Variants in VPS13A observed in about 807,000 individuals in gnomAD.
VPS13A encodes vacuolar protein sorting 13 homolog A.
VPS13A carries 264 observed loss-of-function variants against 390.9 expected under a neutral mutation model. That is an observed-to-expected ratio of 0.68 (90% CI 0.61 to 0.75). The LOEUF (loss-of-function observed/expected upper bound fraction) is 0.75. Among genes scored for constraint, VPS13A ranks in the 30% least tolerant of loss-of-function variants. The pLI is 0.00. For synonymous variants in VPS13A, 1,231 were observed against 1,227.1 expected, an observed-to-expected ratio of 1.00 and a Z score of -0.07; for missense variants, 3,409 against 3,733.9, an observed-to-expected ratio of 0.91 and a Z score of 2.27.
At chr9:77,249,114 G>A (rs1165293166) in intron 20 of VPS13A, among the ~76,000 whole-genome samples, 4 of 152,166 alleles carry the variant, frequency 2.6e-5, no homozygotes, top group Admixed American at 1.3e-4. Flanking sequence ...ATTAAATGTA[G>A]AGGAATATCT....
chr9:77,275,041 C>T (rs1040424674), intron 24 of VPS13A, among the ~76,000 whole-genome samples: 9 of 151,998 alleles, frequency 5.9e-5, no homozygotes, highest in African/African-American at 2.2e-4. Flanking sequence ...AGTGCTTGAT[C>T]TCAGTTTACT....
chr9:77,254,945 T>G (rs1825355308), intron 22 of VPS13A, among the ~76,000 whole-genome samples: 1 of 151,864 alleles, frequency 6.6e-6, no homozygotes, highest in South Asian at 2.1e-4. Flanking sequence ...GTGTATGGAG[T>G]TAATTTTTTT....
rs1444555829 is a variant in VPS13A, at chr9:77,411,982, T to G, written c.9475-3974T>G. ...TATAAACACCTCTATGCAAATAAAC[T>G]AGAAAATCTAGAAGAAATGGATAAA... On this transcript the variant is annotated intron_variant, in intron 71 of 71. Transcript: ENST00000360280. 2.0e-5 allele frequency among the ~76,000 whole-genome samples: 3 copies of G among 152,004 alleles called. No individual in the cohort carries two copies. In the East Asian group the frequency reaches 5.8e-4, roughly 29 times the overall value.
chr9:77,400,436 C>T (rs1053815788), intron 68 of VPS13A, among the ~76,000 whole-genome samples: 3 of 151,758 alleles, frequency 2.0e-5, no homozygotes, highest in African/African-American at 7.3e-5. Context: ...ATTTGCTTAT[C>T]GTTTTGCCAT....
chr9:77,385,241 A>G (rs918398281), intron 68 of VPS13A: 23 of 824,466 alleles, frequency 2.8e-5, no homozygotes, highest in East Asian at 1.2e-4. Flanking sequence ...TTGAACTGCT[A>G]TTATAAAAAA....
intron 24 of VPS13A, 44 bp downstream of exon 24, chr9:77,273,408 A>G: frequency 6.7e-7 from 1 of 1,481,714 alleles, no homozygotes; most frequent in Non-Finnish European, 9.2e-7. Flanking sequence ...TTTTATTAAA[A>G]TAATTTCTGT....
In VPS13A at chr9:77,276,093, G is replaced by A; in HGVS notation, c.2696G>A (p.Gly899Glu). 1 of 1,612,834 alleles carries A rather than the reference G, an allele frequency of 6.2e-7. No individual in the cohort carries two copies. Among genetic ancestry groups the A allele is most frequent in the Non-Finnish European group, 8.5e-7 (1 of 1,179,740 alleles). ...KVLIEFYHLV[G>E]DCELSVVEIL... ...TTGATCGAGTTTTATCACCTTGTTG[G>A]AGATTGTGAACTATCTGTGGTAGAA... Residue 899 changes from glycine to glutamate, a missense_variant, in exon 26 of 72, where the codon GGA becomes GAA. By Grantham distance (98) the Gly-to-Glu change is moderately conservative (BLOSUM62 -2). Coordinates refer to ENST00000360280, the MANE Select transcript of VPS13A (RefSeq NM_033305.3).
chr9:77,316,487 T>A, intron 39 of VPS13A, 81 bp downstream of exon 39: 1 of 1,186,110 alleles, frequency 8.4e-7, no homozygotes. Context: ...AAAAACTACC[T>A]ACATGCTTTC....
In VPS13A at chr9:77,406,100, G is replaced by C. The variant is rs561226132; in HGVS notation, c.9399+113G>C. 2.3e-5 allele frequency: 34 copies of C among 1,451,182 alleles called. No homozygotes were observed. In the Admixed American group the frequency reaches 3.0e-4, roughly 13 times the overall value. 89.9% of individuals were successfully genotyped at this position (1,451,182 alleles called of 1,614,324 possible). A position where few individuals can be genotyped will look rare whatever the true frequency, so the allele number is the denominator to read the frequency against. On this transcript the variant is annotated intron_variant, in intron 70 of 71. Transcript: ENST00000360280. ...CTTTTATAGATGTCACTTTGTCCTGGTGTGGTTTTCCCTTATACCTGCTAT... is the reference window on the plus strand; with the variant it reads ...CTTTTATAGATGTCACTTTGTCCTGCTGTGGTTTTCCCTTATACCTGCTAT...
At chr9:77,356,897 T>C (rs2131554156) in intron 55 of VPS13A, 30 bp downstream of exon 55, 1 of 1,611,786 alleles carries the variant, frequency 6.2e-7, no homozygotes, top group Non-Finnish European at 8.5e-7. Flanking sequence ...ATGTGAAGTT[T>C]TAATTTTTTG....
chr9:77,182,594 A>G (rs1214455286), intron 1 of VPS13A, among the ~76,000 whole-genome samples: 2 of 152,206 alleles, frequency 1.3e-5, no homozygotes, highest in Non-Finnish European at 2.9e-5. Context: ...AAGTATTAGA[A>G]TTTTAAATAG....
At chr9:77,223,922 G>C (rs1452011731) in intron 13 of VPS13A, among the ~76,000 whole-genome samples, 1 of 152,116 alleles carries the variant, frequency 6.6e-6, no homozygotes. Context: ...AGCTTCAAAG[G>C]ACAGGCTGAC....
At chr9:77,326,829 T>C (rs898781079) in intron 45 of VPS13A, among the ~76,000 whole-genome samples, 3 of 152,168 alleles carry the variant, frequency 2.0e-5, no homozygotes, top group African/African-American at 7.2e-5. Flanking sequence ...CTGTTTCTTT[T>C]AGACGGATCT....
In VPS13A at chr9:77,399,958, A is replaced by G. The variant is rs539422120; in HGVS notation, c.9190-3278A>G. 2.0e-5 allele frequency among the ~76,000 whole-genome samples: 3 copies of G among 152,072 alleles called. No individual in the cohort carries two copies. In the East Asian group the frequency reaches 5.8e-4, roughly 29 times the overall value. On this transcript the variant is annotated intron_variant, in intron 68 of 71. Coordinates refer to ENST00000360280, the MANE Select transcript of VPS13A (RefSeq NM_033305.3). The stretch of plus-strand genomic sequence containing the variant: ...TATATCTTATACATCTCTCTATGTC[A>G]GTATGCACAGGTTTTTTATGACTTC...
At chr9:77,251,577 A>AT (rs952428959) in intron 21 of VPS13A, among the ~76,000 whole-genome samples, 4 of 151,594 alleles carry the variant, frequency 2.6e-5, no homozygotes, top group Non-Finnish European at 5.9e-5. Context: ...TTGTGAATGT[A>AT]TTTTTTTTAC....
In VPS13A at chr9:77,316,352, C is replaced by G; in HGVS notation, c.4809C>G (p.Leu1603=). 2 of 1,613,134 alleles carry G rather than the reference C, an allele frequency of 1.2e-6. No homozygotes were observed. Among genetic ancestry groups the G allele is most frequent in the Non-Finnish European group, 1.7e-6 (2 of 1,179,354 alleles). ...CAATGACTGCTGCCATTAAAGATCT[C>G]CAAGTGAGAGCCTGCCCGTTTCTTC... The part of the protein sequence containing the change: ...NSTMTAAIKD[L]QVRACPFLPV... Residue 1603 remains leucine, a synonymous_variant, in exon 39 of 72, where the codon CTC becomes CTG. Transcript: ENST00000360280.
intron 67 of VPS13A, among the ~76,000 whole-genome samples, chr9:77,375,518 G>C (rs1307646990): frequency 6.6e-6 from 1 of 152,056 alleles, no homozygotes; most frequent in African/African-American, 2.4e-5. Flanking sequence ...AGCATTATTT[G>C]GGATAAATAA....
Position 77,305,139 on chromosome 9 carries a change from C to T in VPS13A, c.3960+2077C>T, listed in dbSNP as rs148795133. Among the ~76,000 whole-genome samples, 897 of 152,116 alleles carry T rather than the reference C, an allele frequency of 5.9e-3. 13 individuals carry two copies. The highest frequency in any genetic ancestry group is 0.021 in the African/African-American group (860 of 41,516). On this transcript the variant is annotated intron_variant, in intron 34 of 71. Coordinates refer to ENST00000360280, the MANE Select transcript of VPS13A (RefSeq NM_033305.3). ...GTTTGTAGTAGAGACGGGATTTCAC[C>T]GTGTTAGCCAGGATGGTCTTGATCT...
intron 71 of VPS13A, among the ~76,000 whole-genome samples, chr9:77,411,044 C>T (rs1252900197): frequency 6.6e-6 from 1 of 152,126 alleles, no homozygotes; most frequent in Non-Finnish European, 1.5e-5. Context: ...GGAAGTAAAG[C>T]ACTCCTCAGC....
Sources: allele counts gnomAD v4.1 joint callset (sites outside exome capture counted in the v4.1 genomes callset), GRCh38; gene constraint gnomAD v4.1.1; transcripts MANE v1.5; gene names NCBI Gene and HGNC (gene_info 2026-07-23, HGNC 2026-07-21).